The following TEX26 variants were observed in gnomAD, a reference collection of about 807,000 sequenced individuals.
TEX26 encodes the protein testis expressed 26, also known as testis-expressed protein 26.
A neutral mutation model predicts 35.3 loss-of-function variants in TEX26; 34 were observed. That is an observed-to-expected ratio of 0.96 (90% CI 0.73 to 1.28). The LOEUF is 1.28. Ranked by LOEUF, TEX26 falls within the 50% of genes most tolerant of loss-of-function variation. The probability of loss-of-function intolerance (pLI) is 0.00; values close to 1 mark genes in which losing one functional copy is unlikely to be tolerated. For synonymous variants in TEX26, 136 were observed against 111.8 expected (o/e 1.22, Z -1.36); for missense variants, 371 against 330.1 (o/e 1.12, Z -0.96).
intron 4 of TEX26, 68 bp from the exon 5 acceptor site, chr13:30,966,154 G>A (rs2138325192): frequency 6.4e-7 from 1 of 1,552,416 alleles, no homozygotes; most frequent in Non-Finnish European, 8.9e-7. Context: ...TCTAAACACA[G>A]CAAGAGTGGG....
intron 3 of TEX26, among the ~76,000 whole-genome samples, chr13:30,954,248 GA>G (rs980645913): frequency 9.4e-5 from 13 of 137,758 alleles, no homozygotes; most frequent in South Asian, 4.5e-4. Context: ...ATTCAACCCT[GA>G]AAAAAAATAT....
intron 4 of TEX26, among the ~76,000 whole-genome samples, chr13:30,961,624 C>A (rs1044647387): frequency 6.2e-4 from 95 of 152,338 alleles, no homozygotes; most frequent in African/African-American, 2.1e-3. Context: ...GGGATACAAT[C>A]CATTGAGTTT....
chr13:30,961,029 G>A (rs1198950423), intron 4 of TEX26, among the ~76,000 whole-genome samples: 1 of 152,158 alleles, frequency 6.6e-6, no homozygotes, highest in East Asian at 1.9e-4. Flanking sequence ...TCTTTCTTGG[G>A]GGAAATCCCT....
At chr13:30,932,809 G>C in intron 1 of TEX26, 33 bp downstream of exon 1, 1 of 1,607,132 alleles carries the variant, frequency 6.2e-7, no homozygotes, top group South Asian at 1.1e-5. Flanking sequence ...TCTGCGGGGC[G>C]GGGCTGGGGT....
At chr13:30,950,736 C>T (rs1266237240) in intron 2 of TEX26, among the ~76,000 whole-genome samples, 1 of 152,204 alleles carries the variant, frequency 6.6e-6, no homozygotes, top group Non-Finnish European at 1.5e-5. Context: ...ATACACATGA[C>T]ATTGAGAACC....
At chr13:30,940,307 C>G (rs958255357) in intron 2 of TEX26, among the ~76,000 whole-genome samples, 1 of 119,286 alleles carries the variant, frequency 8.4e-6, no homozygotes, top group Non-Finnish European at 1.7e-5. Context: ...GTGGGAGTTT[C>G]TAAACATCAG....
intron 6 of TEX26, among the ~76,000 whole-genome samples, chr13:30,974,017 A>G (rs1954795357): frequency 6.6e-6 from 1 of 150,892 alleles, no homozygotes; most frequent in African/African-American, 2.4e-5. Flanking sequence ...GCTACTCAGG[A>G]GGCTGAGGGA....
chr13:30,944,871 T>C (rs977473906), intron 2 of TEX26, among the ~76,000 whole-genome samples: 4 of 152,074 alleles, frequency 2.6e-5, no homozygotes, highest in Non-Finnish European at 5.9e-5. Context: ...TTGTATGGTC[T>C]ATATTGAAGA....
At chr13:30,956,252 G>A (rs1303111805) in intron 3 of TEX26, among the ~76,000 whole-genome samples, 2 of 146,750 alleles carry the variant, frequency 1.4e-5, no homozygotes, top group African/African-American at 2.5e-5. Flanking sequence ...ACCTATGAGT[G>A]AGAACATGCG....
At chr13:30,938,423 C>T (rs2138172619) in intron 1 of TEX26, among the ~76,000 whole-genome samples, 1 of 152,296 alleles carries the variant, frequency 6.6e-6, no homozygotes, top group South Asian at 2.1e-4. Flanking sequence ...AAGAGCATGG[C>T]ACTGGCATTG....
At chr13:30,964,440 C>T (rs1203863923) in intron 4 of TEX26, among the ~76,000 whole-genome samples, 1 of 152,194 alleles carries the variant, frequency 6.6e-6, no homozygotes, top group Non-Finnish European at 1.5e-5. Context: ...TAAGGTAGAA[C>T]AATGACTTAA....
chr13:30,958,229 CATCT>C (rs1954209972), intron 4 of TEX26, among the ~76,000 whole-genome samples: 1 of 152,214 alleles, frequency 6.6e-6, no homozygotes, highest in African/African-American at 2.4e-5. Context: ...AAATGAGTTC[CATCT>C]ATACCAACAC....
chr13:30,970,493 A>G (rs1341415943), intron 6 of TEX26, among the ~76,000 whole-genome samples: 1 of 152,178 alleles, frequency 6.6e-6, no homozygotes, highest in Non-Finnish European at 1.5e-5. Flanking sequence ...GTTCCCAGCC[A>G]AAGCTCTGCA....
intron 2 of TEX26, among the ~76,000 whole-genome samples, chr13:30,945,286 C>T (rs1233351125): frequency 6.6e-6 from 1 of 151,846 alleles, no homozygotes; most frequent in African/African-American, 2.4e-5. Context: ...TTTAGGTTTC[C>T]ATTTGCATGC....
intron 1 of TEX26, among the ~76,000 whole-genome samples, chr13:30,939,205 TG>T (rs1322962106): frequency 6.6e-6 from 1 of 152,182 alleles, no homozygotes; most frequent in Non-Finnish European, 1.5e-5. Flanking sequence ...ATGTGCTGCC[TG>T]GGAGGAGGGA....
intron 2 of TEX26, among the ~76,000 whole-genome samples, chr13:30,943,466 G>T (rs1014492298): frequency 1.6e-4 from 24 of 151,994 alleles, no homozygotes; most frequent in African/African-American, 5.3e-4. Context: ...TCTTTCTCTT[G>T]CTTGATTGGT....
chr13:30,952,370 G>A (rs1283894770), intron 2 of TEX26, among the ~76,000 whole-genome samples: 1 of 151,974 alleles, frequency 6.6e-6, no homozygotes, highest in Non-Finnish European at 1.5e-5. Context: ...ACACTGAAGT[G>A]CCATTTGTAT....
At chr13:30,934,949 T>A (rs1953216307) in intron 1 of TEX26, among the ~76,000 whole-genome samples, 1 of 152,216 alleles carries the variant, frequency 6.6e-6, no homozygotes, top group African/African-American at 2.4e-5. Context: ...CAGGGACAAG[T>A]GGGAGCTTTG....
intron 6 of TEX26, among the ~76,000 whole-genome samples, chr13:30,970,732 G>T (rs74046410): frequency 6.6e-6 from 1 of 152,116 alleles, no homozygotes; most frequent in Non-Finnish European, 1.5e-5. Flanking sequence ...TGCAGGCACC[G>T]CTGTCTCTTA....
Sources: gnomAD v4.1 joint callset for allele counts (sites outside exome capture counted in the v4.1 genomes callset) on GRCh38, gnomAD v4.1.1 for gene constraint, MANE v1.5 for transcripts, NCBI Gene and HGNC (gene_info 2026-07-23, HGNC 2026-07-21) for gene names.